INTS4: variants seen among roughly 807,000 people sequenced by gnomAD.
The protein encoded by INTS4 is integrator complex subunit 4, also known as MSTP093.
Under a neutral mutation model 119.5 loss-of-function variants are expected in INTS4, and 70 were observed. The ratio of observed to expected loss-of-function variants is 0.59; its 90% CI spans 0.48 to 0.71. INTS4 has a LOEUF of 0.71. Among genes scored for constraint, INTS4 ranks in the 30% least tolerant of loss-of-function variants. The pLI, the probability that INTS4 is intolerant of heterozygous loss-of-function variation, is 0.00. For synonymous variants in INTS4, 316 were observed against 419.6 expected (o/e 0.75, Z 3.02); for missense variants, 867 against 1,173.2 (o/e 0.74, Z 3.81).
intron 14 of INTS4, among the ~76,000 whole-genome samples, chr11:77,920,713 G>A (rs1362611092): frequency 1.3e-5 from 2 of 151,718 alleles, no homozygotes; most frequent in Admixed American, 1.3e-4. Flanking sequence ...TTAGCCGGGC[G>A]TGGTGGCAGG....
chr11:77,920,209 A>ATATATATACT (rs1953312764), intron 14 of INTS4, among the ~76,000 whole-genome samples: 1 of 145,804 alleles, frequency 6.9e-6, no homozygotes, highest in Non-Finnish European at 1.5e-5. Context: ...ATATATACAC[A>ATATATATACT]CATATATATA....
rs1274239447 is a variant in INTS4 at position 77,979,047 on chromosome 11, C to A, written c.420G>T (p.Lys140Asn). 2 of 1,613,178 alleles carry A rather than the reference C, an allele frequency of 1.2e-6. No individual in the cohort carries two copies. The highest frequency in any genetic ancestry group is 1.7e-6 in the Non-Finnish European group (2 of 1,179,440). Residue 140 changes from lysine (K) to asparagine (N), a missense_variant, in exon 4 of 23, where the codon AAG becomes AAT. Physicochemically the swap from Lys to Asn is moderately conservative, Grantham distance 94 (BLOSUM62 0). Around this residue, in one of 5 missense-constraint regions of INTS4, gnomAD observed 224 missense variants for 231.8 expected, o/e 0.97. Transcript: ENST00000534064. ...TTTGGATAGCTTGATTCTCTGGTAG[C>A]TTAGTGCCAATTGCAAGCAAAGTAT... ...LLDTLLAIGT[K>N]LPENQAIQMR... is the part of the protein sequence containing the mutation.
intron 8 of INTS4, among the ~76,000 whole-genome samples, chr11:77,949,080 G>A (rs1205220432): frequency 2.0e-5 from 3 of 151,844 alleles, no homozygotes; most frequent in Admixed American, 6.6e-5. Flanking sequence ...TCGCGGAACC[G>A]CACTCCAGCC....
Position 77,991,230 on chromosome 11 carries a change from C to A in INTS4, c.124G>T (p.Asp42Tyr). 1 of 1,614,108 alleles carries A rather than the reference C, an allele frequency of 6.2e-7. No homozygotes were observed. The highest frequency in any genetic ancestry group is 8.5e-7 in the Non-Finnish European group (1 of 1,179,994). ...KPSKSAALHIDLCKATSPADA... is the reference protein window; with the variant it reads ...KPSKSAALHIYLCKATSPADA... ...GCTGGGGAGGTAGCTTTACACAGAT[C>A]TATGTGGAGTGCTGCAGATTTACTT... The change falls in exon 2 of 23, where the codon GAT becomes TAT. Residue 42 changes from aspartate (D) to tyrosine (Y), a missense_variant. By Grantham distance (160) the Asp-to-Tyr change is radical. Coordinates refer to ENST00000534064, the MANE Select transcript of INTS4 (RefSeq NM_033547.4).
At chr11:77,946,504 G>A (rs1954050828) in intron 8 of INTS4, among the ~76,000 whole-genome samples, 1 of 152,176 alleles carries the variant, frequency 6.6e-6, no homozygotes, top group Non-Finnish European at 1.5e-5. Flanking sequence ...GCTCACATCT[G>A]TAATCCCAGC....
intron 1 of INTS4, among the ~76,000 whole-genome samples, chr11:77,992,012 A>C (rs1217464135): frequency 6.6e-6 from 1 of 151,642 alleles, no homozygotes; most frequent in East Asian, 2.0e-4. Context: ...TCTAGTAGAG[A>C]CAGGTTTTGC....
At chr11:77,938,604 C>A (rs1489316424) in intron 10 of INTS4, 47 bp downstream of exon 10, 1 of 1,582,150 alleles carries the variant, frequency 6.3e-7, no homozygotes, top group Non-Finnish European at 8.6e-7. Flanking sequence ...GCCTGACACA[C>A]AGCAGTCACT....
At chr11:77,963,465 C>G in intron 4 of INTS4, 1 of 424,770 alleles carries the variant, frequency 2.4e-6, no homozygotes, top group Non-Finnish European at 4.6e-6. Context: ...TTGGGTGTTA[C>G]ACATTTTGTC....
intron 6 of INTS4, among the ~76,000 whole-genome samples, chr11:77,959,600 C>CA (rs1181991456): frequency 6.6e-6 from 1 of 152,096 alleles, no homozygotes; most frequent in Non-Finnish European, 1.5e-5. Context: ...TGGCTTCCCA[C>CA]ATAGTTTTCT....
In INTS4 at chr11:77,981,739, T is replaced by TTTTATTTATTTA. The variant is rs56771826; in HGVS notation, c.247-175_247-164dup. On this transcript the variant is annotated intron_variant, in intron 2 of 22. Coordinates refer to ENST00000534064, the MANE Select transcript of INTS4 (RefSeq NM_033547.4). ...ATATACTTCTGGAGAGACAGCTTTC[T>TTTTATTTATTTA]TTTATTTATTTATTTATTTATTTAT... Among the ~76,000 whole-genome samples the TTTTATTTATTTA allele has an allele frequency of 2.0e-3, 302 of 149,960 alleles. 1 individual carries two copies. Among genetic ancestry groups the TTTTATTTATTTA allele is most frequent in the African/African-American group, 7.1e-3 (290 of 40,698 alleles).
chr11:77,910,969 C>A, intron 15 of INTS4: 1 of 1,285,050 alleles, frequency 7.8e-7, no homozygotes, highest in Non-Finnish European at 1.0e-6. Context: ...CTGTGGGAAA[C>A]CTTAAGGTCT....
chr11:77,918,366 GA>G (rs1953256821), intron 15 of INTS4: 4 of 329,902 alleles, frequency 1.2e-5, no homozygotes, highest in South Asian at 9.8e-5. Flanking sequence ...GCAGTGAGCT[GA>G]TATTATGCCA....
intron 18 of INTS4, among the ~76,000 whole-genome samples, chr11:77,899,303 C>A (rs560377645): frequency 2.8e-4 from 43 of 151,928 alleles, no homozygotes; most frequent in African/African-American, 9.2e-4. Flanking sequence ...AACTTTCAAA[C>A]CCCTGGAGGA....
intron 16 of INTS4, among the ~76,000 whole-genome samples, chr11:77,905,964 T>C (rs1176048238): frequency 2.0e-5 from 3 of 152,224 alleles, no homozygotes; most frequent in Non-Finnish European, 4.4e-5. Flanking sequence ...TATTAAGTGA[T>C]GTATAAAGTA....
chr11:77,914,849 T>C (rs1171892848), intron 15 of INTS4: 2 of 152,284 alleles, frequency 1.3e-5, no homozygotes, highest in African/African-American at 4.8e-5. Context: ...ATATCAAGTA[T>C]ATGATTCAAT....
Position 77,909,961 on chromosome 11 carries a change from G to A in INTS4, c.1923-2151C>T, listed in dbSNP as rs537131674. On this transcript the variant is annotated intron_variant, in intron 15 of 22. Transcript: ENST00000534064. The stretch of plus-strand genomic sequence containing the variant: ...GGAATCAACACGTGCTGGAGAGGAT[G>A]TGGAGAAATAGGAACACTTTTACAC... 6.5e-3 allele frequency among the ~76,000 whole-genome samples: 988 copies of A among 152,258 alleles called. 2 individuals are homozygous for A. Among genetic ancestry groups the A allele is most frequent in the Non-Finnish European group, 0.01 (697 of 68,026 alleles).
At chr11:77,974,950 T>C (rs11823006) in intron 4 of INTS4, among the ~76,000 whole-genome samples, 58,918 of 151,968 alleles carry the variant, frequency 0.39, 11,623 homozygotes, top group African/African-American at 0.43. Context: ...TCTGGTCTTC[T>C]CATTTCTGAG....
At chr11:77,906,551 G>T (rs1952958939) in intron 16 of INTS4, among the ~76,000 whole-genome samples, 1 of 152,212 alleles carries the variant, frequency 6.6e-6, no homozygotes, top group Admixed American at 6.5e-5. Context: ...CAAAGGGGCA[G>T]GAAGGAACTT....
At chr11:77,963,371 A>C (rs1855339013) in intron 4 of INTS4, 1 of 354,806 alleles carries the variant, frequency 2.8e-6, no homozygotes, top group Non-Finnish European at 5.3e-6. Flanking sequence ...AAAAAAAAAA[A>C]AAACAAAAAA....
Sources: allele counts gnomAD v4.1 joint callset (sites outside exome capture counted in the v4.1 genomes callset), GRCh38; gene constraint gnomAD v4.1.1; regional missense constraint gnomAD v4.1.1; transcripts MANE v1.5; gene names NCBI Gene and HGNC (gene_info 2026-07-23, HGNC 2026-07-21).